PHF14: variants seen among roughly 807,000 people sequenced by gnomAD.
PHF14 encodes the protein PHD finger protein 14.
PHF14 carries 55 observed loss-of-function variants against 117.9 expected under a neutral mutation model. The observed-to-expected ratio is 0.47, with a 90% CI of 0.38 to 0.58. The LOEUF (loss-of-function observed/expected upper bound fraction) is 0.58. PHF14 is among the 20% of genes least tolerant of loss of function. The pLI is 0.00. For missense variants in PHF14, 978 were observed against 1,122.2 expected (o/e 0.87, Z 1.84); for synonymous variants, 409 against 368.6 (o/e 1.11, Z -1.26).
chr7:11,106,482 AAATATTGTACTTATT>A, intron 16 of PHF14: 1 of 950,610 alleles, frequency 1.1e-6, no homozygotes, highest in Middle Eastern at 5.4e-4. Flanking sequence ...ACAAGGAATA[AAATATTGTACTTATT>A]GATACTAAAT....
chr7:11,028,923 C>CT, intron 7 of PHF14, 105 bp downstream of exon 7: 1 of 938,230 alleles, frequency 1.1e-6, no homozygotes. Context: ...AACATTTATT[C>CT]TTAAAGTTCT....
intron 7 of PHF14, among the ~76,000 whole-genome samples, chr7:11,034,904 G>T (rs888297991): frequency 1.3e-5 from 2 of 151,914 alleles, no homozygotes; most frequent in African/African-American, 4.8e-5. Flanking sequence ...AGTTAGAAAT[G>T]CCACACTTAT....
chr7:11,035,707 G>A lies in PHF14; in HGVS notation c.1523G>A (p.Arg508Lys). The A allele has an allele frequency of 6.2e-7, 1 of 1,611,336 alleles. No individual in the cohort carries two copies. The highest frequency in any genetic ancestry group is 1.1e-5 in the South Asian group (1 of 90,940). The change falls in exon 8 of 18, where the codon AGA (arginine) becomes AAA (lysine). Residue 508 changes from arginine to lysine, a missense_variant. Arg to Lys is a conservative substitution (Grantham distance 26). Coordinates refer to ENST00000634607, the MANE Select transcript of PHF14 (RefSeq NM_001007157.2). ...HADRLDRKWK[R>K]KNYLALQSYC... Reference sequence around the variant, plus strand: ...GATAGGTTAGACAGAAAGTGGAAGAGAAAAAACTACTTGGCTCTACAGTCC... The same window carrying A: ...GATAGGTTAGACAGAAAGTGGAAGAAAAAAAACTACTTGGCTCTACAGTCC...
chr7:10,987,772 C>G (rs1375612301), intron 3 of PHF14, among the ~76,000 whole-genome samples: 2 of 151,974 alleles, frequency 1.3e-5, no homozygotes, highest in African/African-American at 2.4e-5. Context: ...TATACGTCTT[C>G]AGAAATATAC....
chr7:11,164,291 G>A (rs535272104), intron 17 of PHF14, among the ~76,000 whole-genome samples: 1 of 152,216 alleles, frequency 6.6e-6, no homozygotes, highest in East Asian at 1.9e-4. Flanking sequence ...TGTTCATATG[G>A]CCAAATTATA....
At position 11,169,427 on chromosome 7, in the gene PHF14, T is replaced by C; in HGVS notation, c.2784T>C (p.Asn928=). The C allele has an allele frequency of 6.8e-7, 1 of 1,460,164 alleles. No individual in the cohort carries two copies. The highest frequency in any genetic ancestry group is 9.4e-7 in the Non-Finnish European group (1 of 1,067,926). The allele number at this position is 1,460,164 out of a possible 1,614,324, so 90.5% of individuals were successfully genotyped here. A position where few individuals can be genotyped will look rare whatever the true frequency, so the allele number is the denominator to read the frequency against. ...AATTTATTTCACAGGAAGATGAAAA[T>C]GAAGCTGAAAGAAAAAATATATCTC... ...CDSSSSKEDE[N]EAERKNISQE... Residue 928 remains asparagine (N), a synonymous_variant, in exon 18 of 18, where the codon AAT becomes AAC. Coordinates refer to ENST00000634607, the MANE Select transcript of PHF14 (RefSeq NM_001007157.2).
At chr7:11,165,379 A>G (rs932864153) in intron 17 of PHF14, among the ~76,000 whole-genome samples, 2 of 152,114 alleles carry the variant, frequency 1.3e-5, no homozygotes, top group African/African-American at 4.8e-5. Flanking sequence ...GTTAATATAT[A>G]TTATTGGTGA....
intron 17 of PHF14, among the ~76,000 whole-genome samples, chr7:11,112,784 T>A (rs1238298677): frequency 6.6e-6 from 1 of 151,586 alleles, no homozygotes; most frequent in African/African-American, 2.4e-5. Flanking sequence ...AAAAAAAAAA[T>A]TATAAATATT....
intron 5 of PHF14, among the ~76,000 whole-genome samples, chr7:11,019,758 T>C (rs1374163166): frequency 6.6e-6 from 1 of 152,152 alleles, no homozygotes; most frequent in Admixed American, 6.5e-5. Context: ...TGATCTTTAT[T>C]AATCTACTAA....
At chr7:11,036,871 C>A in intron 9 of PHF14, 114 bp from the exon 10 acceptor site, 1 of 958,358 alleles carries the variant, frequency 1.0e-6, no homozygotes, top group Non-Finnish European at 1.6e-6. Flanking sequence ...TGTAAATATA[C>A]TTAAAAGTTT....
At chr7:11,081,599 G>A (rs1038359187) in intron 16 of PHF14, among the ~76,000 whole-genome samples, 3 of 152,210 alleles carry the variant, frequency 2.0e-5, no homozygotes, top group African/African-American at 4.8e-5. Flanking sequence ...ACCCACAACT[G>A]TAATCCCAGC....
At chr7:11,127,653 A>G (rs1398388314) in intron 17 of PHF14, among the ~76,000 whole-genome samples, 1 of 152,028 alleles carries the variant, frequency 6.6e-6, no homozygotes, top group Non-Finnish European at 1.5e-5. Flanking sequence ...CCTTTAAAGT[A>G]CCTCTTCTAA....
chr7:11,003,544 A>G (rs376617625), intron 4 of PHF14, among the ~76,000 whole-genome samples: 6 of 152,352 alleles, frequency 3.9e-5, no homozygotes, highest in African/African-American at 1.4e-4. Flanking sequence ...TATAGATAGT[A>G]AAAAGGTTAC....
At chr7:11,155,524 C>G (rs1328517702) in intron 17 of PHF14, among the ~76,000 whole-genome samples, 1 of 152,188 alleles carries the variant, frequency 6.6e-6, no homozygotes, top group African/African-American at 2.4e-5. Context: ...ATTCTTCCCT[C>G]CATTGTTTGC....
At chr7:11,019,963 C>T (rs569086761) in intron 5 of PHF14, among the ~76,000 whole-genome samples, 1 of 152,184 alleles carries the variant, frequency 6.6e-6, no homozygotes, top group Middle Eastern at 3.4e-3. Flanking sequence ...TCTTTATGTC[C>T]TTTGTTGGGT....
chr7:11,154,881 C>T lies in PHF14; in HGVS notation c.2773-14535C>T, dbSNP rs139848437. On this transcript the variant is annotated intron_variant, in intron 17 of 17. Transcript: ENST00000634607. ...GAATAATACAATTATATTGTAATAC[C>T]AACAGTTGAAATTGCAAGATCAAGA... Among the ~76,000 whole-genome samples the T allele has an allele frequency of 2.6e-5, 4 of 151,566 alleles. No homozygotes were observed. The East Asian group carries it at 5.8e-4, about 22-fold the overall frequency.
Position 11,111,431 on chromosome 7 carries a change from A to G in PHF14, c.2736A>G (p.Gly912=), listed in dbSNP as rs760829910. The G allele has an allele frequency of 6.2e-7, 1 of 1,603,180 alleles. No homozygotes were observed. Among genetic ancestry groups the G allele is most frequent in the South Asian group, 1.1e-5 (1 of 89,764 alleles). ...LKKSPKQTGY[G]WICQECDSSS... is the part of the protein sequence containing the mutation. ...AGTCTCCTAAACAGACAGGCTACGG[A>G]TGGATATGTCAGGAATGTGATTCTT... Residue 912 remains glycine, a synonymous_variant, in exon 17 of 18, where the codon GGA becomes GGG. Transcript: ENST00000634607.
At chr7:11,056,988 A>G (rs1785043223) in intron 14 of PHF14, among the ~76,000 whole-genome samples, 1 of 152,026 alleles carries the variant, frequency 6.6e-6, no homozygotes, top group South Asian at 2.1e-4. Context: ...AATTTTGCCC[A>G]TGAATAAGCA....
intron 13 of PHF14, among the ~76,000 whole-genome samples, chr7:11,051,212 CTT>C (rs549494772): frequency 6.9e-6 from 1 of 145,138 alleles, no homozygotes; most frequent in African/African-American, 2.5e-5. Context: ...AGTTAATTTT[CTT>C]TTTTTTTTTG....
Sources: allele counts gnomAD v4.1 joint callset (sites outside exome capture counted in the v4.1 genomes callset), GRCh38; gene constraint gnomAD v4.1.1; transcripts MANE v1.5; gene names NCBI Gene and HGNC (gene_info 2026-07-23, HGNC 2026-07-21).